AKR1C8: variants seen among roughly 807,000 people sequenced by gnomAD.
AKR1C8 encodes the protein aldo-keto reductase family 1 member C-like protein 1.
At chr10:5,180,864 A>T in the AKR1C8 span, among the ~76,000 whole-genome samples, 1 of 152,140 alleles carries the variant, frequency 6.6e-6, no homozygotes, top group African/African-American at 2.4e-5. Flanking sequence ...GGTAGGAGTG[A>T]CCCGATTTTC....
chr10:5,125,692 G>A, the AKR1C8 span, among the ~76,000 whole-genome samples: 1 of 152,188 alleles, frequency 6.6e-6, no homozygotes, highest in African/African-American at 2.4e-5. Flanking sequence ...ATTATATCCA[G>A]CATTTGAGAA....
At chr10:5,134,506 G>T in the AKR1C8 span, among the ~76,000 whole-genome samples, 1 of 152,136 alleles carries the variant, frequency 6.6e-6, no homozygotes, top group African/African-American at 2.4e-5. Flanking sequence ...ATACAAATCT[G>T]ATGCATATTA....
chr10:5,162,962 T>C, the AKR1C8 span: 5 of 534,588 alleles, frequency 9.4e-6, no homozygotes, highest in Non-Finnish European at 1.5e-5. Flanking sequence ...TGAATCAATA[T>C]GGCGGAAGCC....
At chr10:5,175,792 T>C in the AKR1C8 span, among the ~76,000 whole-genome samples, 1 of 151,724 alleles carries the variant, frequency 6.6e-6, no homozygotes, top group African/African-American at 2.4e-5. Context: ...GAAGTGTCTG[T>C]TCATGAACTT....
At chr10:5,143,502 G>T in the AKR1C8 span, among the ~76,000 whole-genome samples, 1 of 151,988 alleles carries the variant, frequency 6.6e-6, no homozygotes, top group Non-Finnish European at 1.5e-5. Context: ...TGGCTTTCAT[G>T]GTTCTACAGC....
chr10:5,153,146 T>G, the AKR1C8 span, among the ~76,000 whole-genome samples: 2 of 152,188 alleles, frequency 1.3e-5, no homozygotes, highest in African/African-American at 4.8e-5. Flanking sequence ...CTCAGGGATT[T>G]TAAAATTTTT....
At chr10:5,135,587 C>A in the AKR1C8 span, among the ~76,000 whole-genome samples, 6 of 152,096 alleles carry the variant, frequency 3.9e-5, no homozygotes, top group Admixed American at 1.3e-4. Context: ...TATCATCTAT[C>A]ATCTGTCTAT....
the AKR1C8 span, among the ~76,000 whole-genome samples, chr10:5,166,098 C>T: frequency 2.6e-5 from 4 of 152,028 alleles, no homozygotes; most frequent in East Asian, 1.9e-4. Flanking sequence ...TTTTCTCCTC[C>T]CTTGTCTAGA....
At chr10:5,176,478 T>C in the AKR1C8 span, among the ~76,000 whole-genome samples, 2 of 150,424 alleles carry the variant, frequency 1.3e-5, no homozygotes, top group African/African-American at 2.4e-5. Context: ...TTTGGTTCCA[T>C]ACGAACTTTA....
At chr10:5,153,840 C>A in the AKR1C8 span, among the ~76,000 whole-genome samples, 1 of 152,128 alleles carries the variant, frequency 6.6e-6, no homozygotes, top group East Asian at 1.9e-4. Context: ...AGATCCAAAC[C>A]ATATCAGACA....
chr10:5,136,694 A>C, the AKR1C8 span, among the ~76,000 whole-genome samples: 1 of 152,346 alleles, frequency 6.6e-6, no homozygotes, highest in Non-Finnish European at 1.5e-5. Context: ...CAAAAGGACA[A>C]TTTGCAGAAT....
the AKR1C8 span, among the ~76,000 whole-genome samples, chr10:5,129,793 A>G: frequency 2.6e-5 from 4 of 152,010 alleles, no homozygotes; most frequent in African/African-American, 7.2e-5. Flanking sequence ...TGCCAACAAA[A>G]AAAGCCAAGG....
the AKR1C8 span, among the ~76,000 whole-genome samples, chr10:5,141,044 C>G: frequency 6.6e-6 from 1 of 152,122 alleles, no homozygotes; most frequent in African/African-American, 2.4e-5. Flanking sequence ...TGTGGAACTT[C>G]TTTGAAAGTT....
At chr10:5,143,846 T>C in the AKR1C8 span, among the ~76,000 whole-genome samples, 1 of 151,624 alleles carries the variant, frequency 6.6e-6, no homozygotes, top group East Asian at 1.9e-4. Flanking sequence ...ATACTGAGTT[T>C]TCTGAATTCA....
chr10:5,148,988 G>A, the AKR1C8 span, among the ~76,000 whole-genome samples: 2 of 151,904 alleles, frequency 1.3e-5, no homozygotes, highest in African/African-American at 4.8e-5. Context: ...AACAAGAAAA[G>A]GAAAGGAATC....
chr10:5,118,408 C>A, the AKR1C8 span, among the ~76,000 whole-genome samples: 209 of 118,924 alleles, frequency 1.8e-3, 2 homozygotes, highest in African/African-American at 6.4e-3. Flanking sequence ...GGGGCAGGGC[C>A]TTCTGTGAAA....
the AKR1C8 span, among the ~76,000 whole-genome samples, chr10:5,177,631 C>T: frequency 6.6e-6 from 1 of 152,134 alleles, no homozygotes; most frequent in Non-Finnish European, 1.5e-5. Flanking sequence ...GGTTAGTAAG[C>T]TATTGATTAT....
chr10:5,171,071 T>C, the AKR1C8 span, among the ~76,000 whole-genome samples: 1 of 152,124 alleles, frequency 6.6e-6, no homozygotes, highest in Non-Finnish European at 1.5e-5. Flanking sequence ...ATTAATTTAA[T>C]TTATGCAGCT....
the AKR1C8 span, among the ~76,000 whole-genome samples, chr10:5,151,396 C>T: frequency 6.6e-6 from 1 of 152,092 alleles, no homozygotes; most frequent in Admixed American, 6.6e-5. Context: ...TTTCAAACTA[C>T]AAACTAAGTT....
Sources: gnomAD v4.1 joint callset for allele counts (sites outside exome capture counted in the v4.1 genomes callset) on GRCh38, gnomAD v4.1.1 for gene constraint, MANE v1.5 for transcripts, NCBI Gene and HGNC (gene_info 2026-07-23, HGNC 2026-07-21) for gene names.